PSD3: variants seen among roughly 807,000 people sequenced by gnomAD.
PSD3 encodes the protein PH and SEC7 domain-containing protein 3.
Under a neutral mutation model 105.5 loss-of-function variants are expected in PSD3, and 49 were observed. The observed-to-expected ratio is 0.46, with a 90% CI of 0.37 to 0.59. PSD3 has a LOEUF of 0.59. PSD3 is among the 20% of genes least tolerant of loss of function. The probability of loss-of-function intolerance (pLI) is 0.00; values close to 1 mark genes in which losing one functional copy is unlikely to be tolerated. For missense variants in PSD3, 1,561 were observed against 1,263.8 expected, an observed-to-expected ratio of 1.24 and a Z score of -3.57; for synonymous variants, 557 against 457.8, an observed-to-expected ratio of 1.22 and a Z score of -2.77.
chr8:18,927,315 GC>G (rs1821437302), intron 2 of PSD3, among the ~76,000 whole-genome samples: 1 of 152,120 alleles, frequency 6.6e-6, no homozygotes, highest in African/African-American at 2.4e-5. Context: ...CAGGGTTCAA[GC>G]AATTCTCCTG....
intron 4 of PSD3, among the ~76,000 whole-genome samples, chr8:18,815,501 G>C (rs1212957347): frequency 6.6e-6 from 1 of 152,044 alleles, no homozygotes; most frequent in East Asian, 1.9e-4. Context: ...AGTAGAGATG[G>C]GGTTTCACCA....
chr8:18,549,611 G>C (rs1339535271), intron 15 of PSD3, among the ~76,000 whole-genome samples: 2 of 152,160 alleles, frequency 1.3e-5, no homozygotes, highest in Admixed American at 6.5e-5. Flanking sequence ...CTAAATCAAT[G>C]CTTCTGCAGG....
chr8:18,856,199 C>A (rs17383770), intron 4 of PSD3, among the ~76,000 whole-genome samples: 2,266 of 152,320 alleles, frequency 0.015, 21 homozygotes, highest in Middle Eastern at 0.024. Flanking sequence ...ACAAGGACCT[C>A]CGTGACATCC....
chr8:18,764,547 T>C (rs1286491475), intron 9 of PSD3, among the ~76,000 whole-genome samples: 1 of 152,210 alleles, frequency 6.6e-6, no homozygotes. Context: ...TTTACCATAG[T>C]AGATAAGTCT....
At chr8:18,710,719 T>A (rs1159540789) in intron 9 of PSD3, among the ~76,000 whole-genome samples, 1 of 152,044 alleles carries the variant, frequency 6.6e-6, no homozygotes, top group Non-Finnish European at 1.5e-5. Context: ...TCTCTCTCTG[T>A]CGCCAAGGCT....
intron 8 of PSD3, among the ~76,000 whole-genome samples, chr8:18,767,993 G>A (rs1371340397): frequency 1.3e-5 from 2 of 151,396 alleles, no homozygotes; most frequent in African/African-American, 4.9e-5. Context: ...AGCAGAGGCC[G>A]GGCGCGGTGG....
intron 14 of PSD3, among the ~76,000 whole-genome samples, chr8:18,564,948 A>C (rs762465474): frequency 6.6e-6 from 1 of 152,212 alleles, no homozygotes; most frequent in Non-Finnish European, 1.5e-5. Context: ...AACTTTTATA[A>C]GACAATGGTT....
chr8:18,768,825 C>T (rs1807248077), intron 8 of PSD3, among the ~76,000 whole-genome samples: 1 of 152,072 alleles, frequency 6.6e-6, no homozygotes. Context: ...AAAAACCTTG[C>T]CTCTTTCATC....
intron 1 of PSD3, among the ~76,000 whole-genome samples, chr8:19,074,718 T>TC (rs978938607): frequency 3.4e-5 from 5 of 146,470 alleles, no homozygotes; most frequent in Admixed American, 1.4e-4. Flanking sequence ...CCTCCCGGGT[T>TC]CACGCCATTC....
intron 2 of PSD3, among the ~76,000 whole-genome samples, chr8:18,893,607 C>G (rs943551275): frequency 2.0e-5 from 3 of 152,106 alleles, no homozygotes; most frequent in Non-Finnish European, 4.4e-5. Flanking sequence ...ATGAGGGTAT[C>G]GGTGGGCTAG....
At chr8:18,692,311 A>G (rs1801014456) in intron 9 of PSD3, among the ~76,000 whole-genome samples, 1 of 152,216 alleles carries the variant, frequency 6.6e-6, no homozygotes, top group Non-Finnish European at 1.5e-5. Context: ...AATAAATGTA[A>G]AACAGTAACT....
intron 1 of PSD3, among the ~76,000 whole-genome samples, chr8:18,944,085 T>C (rs1432446861): frequency 2.0e-5 from 3 of 152,158 alleles, no homozygotes. Context: ...ATGACTATGA[T>C]GGTTTTGAAA....
chr8:18,701,132 A>ATT (rs35402329), intron 9 of PSD3, among the ~76,000 whole-genome samples: 33,620 of 137,914 alleles, frequency 0.24, 4,977 homozygotes, highest in South Asian at 0.36. Flanking sequence ...AGCCTGGCTG[A>ATT]TTTTTTTTTT....
intron 2 of PSD3, among the ~76,000 whole-genome samples, chr8:18,890,291 T>C (rs921240465): frequency 6.6e-6 from 1 of 152,136 alleles, no homozygotes; most frequent in Admixed American, 6.5e-5. Context: ...TTCTTAGATC[T>C]TGAAAAAAAA....
intron 9 of PSD3, among the ~76,000 whole-genome samples, chr8:18,663,033 T>C (rs1169600137): frequency 6.6e-6 from 1 of 152,156 alleles, no homozygotes; most frequent in Non-Finnish European, 1.5e-5. Flanking sequence ...CCACCATTTC[T>C]TCATTATTAC....
rs1668065025 is a variant in PSD3 at position 18,991,419 on chromosome 8, G to A, written c.21+22144C>T. ...ACACACACTCCTGAAACTCCCTGGGGAGGTTTCACAGTACACCACTTCCCT... is the reference window on the plus strand; with the variant it reads ...ACACACACTCCTGAAACTCCCTGGGAAGGTTTCACAGTACACCACTTCCCT... On this transcript the variant is annotated intron_variant, in intron 1 of 15. Transcript: ENST00000327040. 1.3e-5 allele frequency among the ~76,000 whole-genome samples: 2 copies of A among 150,304 alleles called. 1 individual carries two copies. The highest frequency in any genetic ancestry group is 4.2e-4 in the South Asian group (2 of 4,732).
At chr8:18,705,534 C>CAAAAAAAAAAAAAAAAAAAAAAAAAAAAA (rs34331384) in intron 9 of PSD3, among the ~76,000 whole-genome samples, 1 of 88,446 alleles carries the variant, frequency 1.1e-5, no homozygotes, top group South Asian at 4.5e-4. Flanking sequence ...CTGTCTCAAG[C>CAAAAAAAAAAAAAAAAAAAAAAAAAAAAA]AAAAAAAAAA....
At chr8:18,603,030 C>A (rs1239869645) in intron 11 of PSD3, among the ~76,000 whole-genome samples, 1 of 152,218 alleles carries the variant, frequency 6.6e-6, no homozygotes, top group Non-Finnish European at 1.5e-5. Context: ...AATGCAGCAA[C>A]TGACAGGCTT....
At chr8:18,770,386 T>C (rs1422360154) in intron 8 of PSD3, among the ~76,000 whole-genome samples, 1 of 152,264 alleles carries the variant, frequency 6.6e-6, no homozygotes, top group Non-Finnish European at 1.5e-5. Flanking sequence ...TTATCACATA[T>C]GTACTTTAAA....
Sources: gnomAD v4.1 joint callset for allele counts (sites outside exome capture counted in the v4.1 genomes callset) on GRCh38, gnomAD v4.1.1 for gene constraint, MANE v1.5 for transcripts, NCBI Gene and HGNC (gene_info 2026-07-23, HGNC 2026-07-21) for gene names.